BANK1: variants seen among roughly 807,000 people sequenced by gnomAD.
The protein encoded by BANK1 is B-cell scaffold protein with ankyrin repeats.
In BANK1, 95 loss-of-function variants were observed where a neutral mutation model predicts 94.5. That is an observed-to-expected ratio of 1.00 (90% CI 0.85 to 1.19). The LOEUF (loss-of-function observed/expected upper bound fraction) is 1.19. BANK1 is among the 50% of genes most tolerant of loss of function. BANK1 has a pLI of 0.00. For synonymous variants in BANK1, 334 were observed against 308.4 expected, an observed-to-expected ratio of 1.08 and a Z score of -0.87; for missense variants, 987 against 932.2, an observed-to-expected ratio of 1.06 and a Z score of -0.77.
At chr4:101,853,796 TAGG>T (rs1727582909) in intron 2 of BANK1, among the ~76,000 whole-genome samples, 1 of 151,944 alleles carries the variant, frequency 6.6e-6, no homozygotes, top group Non-Finnish European at 1.5e-5. Flanking sequence ...CCAGACAAAC[TAGG>T]AGGAGTGGAT....
chr4:101,859,239 T>C (rs1310849871), intron 3 of BANK1, among the ~76,000 whole-genome samples: 1 of 152,242 alleles, frequency 6.6e-6, no homozygotes, highest in Non-Finnish European at 1.5e-5. Context: ...TGATGCCTTC[T>C]CAGAGGTGAA....
At chr4:101,996,203 A>AT (rs1256770681) in intron 7 of BANK1, among the ~76,000 whole-genome samples, 4 of 151,572 alleles carry the variant, frequency 2.6e-5, no homozygotes, top group African/African-American at 9.7e-5. Flanking sequence ...CCCATTGCTT[A>AT]TTTTTTCGAG....
rs543569622 is a variant in BANK1 at position 102,072,272 on chromosome 4, A to T, written c.2243-73A>T. 7.4e-5 allele frequency: 90 copies of T among 1,220,254 alleles called. 1 individual carries two copies. The South Asian group carries it at 1.1e-3, about 15-fold the overall frequency. The allele number at this position is 1,220,254 out of a possible 1,614,324, so 75.6% of individuals were successfully genotyped here. A position where few individuals can be genotyped will look rare whatever the true frequency, so the allele number is the denominator to read the frequency against. On this transcript the variant is annotated intron_variant, in intron 14 of 16. Coordinates refer to ENST00000322953, the MANE Select transcript of BANK1 (RefSeq NM_017935.5). ...TCTTACCTTTGTAGAAATCATTTTT[A>T]AGAAGTACTGAATAAATAAATCATC...
chr4:101,816,427 A>G (rs940519381), intron 1 of BANK1, among the ~76,000 whole-genome samples: 6 of 152,196 alleles, frequency 3.9e-5, no homozygotes, highest in African/African-American at 1.4e-4. Flanking sequence ...TCTCTCAAAT[A>G]TATTACATGA....
chr4:102,072,994 G>A (rs1020072570), intron 15 of BANK1, among the ~76,000 whole-genome samples: 5 of 152,016 alleles, frequency 3.3e-5, no homozygotes, highest in African/African-American at 1.2e-4. Context: ...ACACACTTGC[G>A]CTGCTACCAA....
Position 101,808,589 on chromosome 4 carries a change from A to T in BANK1, c.70+17639A>T, listed in dbSNP as rs1191751070. Among the ~76,000 whole-genome samples the T allele has an allele frequency of 2.6e-5, 4 of 151,954 alleles. No individual in the cohort carries two copies. The East Asian group carries it at 7.7e-4, about 29-fold the overall frequency. ...AAACAAACAATCCACAGCGTGGGAG[A>T]AAATATTTGCAAACTATGCGTCTGA... On this transcript the variant is annotated intron_variant, in intron 1 of 16. Coordinates refer to ENST00000322953, the MANE Select transcript of BANK1 (RefSeq NM_017935.5).
rs138228120 is a variant in BANK1 at position 101,941,027 on chromosome 4, C to A, written c.1206+22838C>A. Among the ~76,000 whole-genome samples the A allele has an allele frequency of 5.9e-5, 9 of 151,898 alleles. No individual in the cohort carries two copies. In the East Asian group the frequency reaches 1.8e-3, roughly 30 times the overall value. ...ACAGGAGGCTTGCCTACTCTCCCCC[C>A]TTTACTTATTTTATGCAATCATTTA... On this transcript the variant is annotated intron_variant, in intron 7 of 16. Transcript: ENST00000322953.
intron 14 of BANK1, among the ~76,000 whole-genome samples, chr4:102,071,755 C>T (rs1728769952): frequency 6.6e-6 from 1 of 152,106 alleles, no homozygotes; most frequent in South Asian, 2.1e-4. Context: ...GAGAGGGTAA[C>T]TCATTTCCAT....
chr4:101,824,154 C>G (rs897270661), intron 1 of BANK1, among the ~76,000 whole-genome samples: 2 of 152,202 alleles, frequency 1.3e-5, no homozygotes, highest in African/African-American at 4.8e-5. Context: ...TACTTCTGTT[C>G]CTCACTGCCT....
chr4:101,859,314 T>C (rs945524147), intron 3 of BANK1, among the ~76,000 whole-genome samples: 1 of 152,210 alleles, frequency 6.6e-6, no homozygotes, highest in Non-Finnish European at 1.5e-5. Flanking sequence ...CTAAGCTACA[T>C]ACAGGGACTA....
chr4:101,987,887 A>T (rs1018178378), intron 7 of BANK1, among the ~76,000 whole-genome samples: 2 of 152,178 alleles, frequency 1.3e-5, no homozygotes, highest in Non-Finnish European at 2.9e-5. Flanking sequence ...AGTAGCAGTC[A>T]TGTGCGTTGC....
At chr4:101,792,594 G>T (rs932279668) in intron 1 of BANK1, among the ~76,000 whole-genome samples, 7 of 151,650 alleles carry the variant, frequency 4.6e-5, no homozygotes, top group African/African-American at 1.7e-4. Context: ...AGTGTGAGTT[G>T]CTCATGGTTT....
chr4:101,888,615 T>A (rs1004939752), intron 5 of BANK1, among the ~76,000 whole-genome samples: 1 of 152,250 alleles, frequency 6.6e-6, no homozygotes, highest in Non-Finnish European at 1.5e-5. Context: ...TACCACTTAT[T>A]AGCTCTGCCA....
chr4:101,909,268 C>T (rs1722575100), intron 6 of BANK1, among the ~76,000 whole-genome samples: 1 of 152,158 alleles, frequency 6.6e-6, no homozygotes, highest in Non-Finnish European at 1.5e-5. Flanking sequence ...TGGAAACCAT[C>T]ATTCTCAGCA....
intron 6 of BANK1, among the ~76,000 whole-genome samples, chr4:101,904,575 T>C (rs1460436032): frequency 6.6e-6 from 1 of 152,198 alleles, no homozygotes; most frequent in East Asian, 1.9e-4. Context: ...GAAGTGGTTC[T>C]TTCAAACCTT....
intron 11 of BANK1, among the ~76,000 whole-genome samples, chr4:102,048,034 A>G (rs1247642100): frequency 6.6e-6 from 1 of 152,204 alleles, no homozygotes; most frequent in Non-Finnish European, 1.5e-5. Context: ...AATTACCTCT[A>G]GATTTTTAAA....
chr4:101,849,020 C>T (rs1230601756), intron 2 of BANK1, among the ~76,000 whole-genome samples: 1 of 152,204 alleles, frequency 6.6e-6, no homozygotes, highest in Non-Finnish European at 1.5e-5. Flanking sequence ...GCTCTTACTT[C>T]CCTGCACTTA....
intron 7 of BANK1, among the ~76,000 whole-genome samples, chr4:101,983,774 A>G (rs1725395833): frequency 6.6e-6 from 1 of 152,130 alleles, no homozygotes; most frequent in Non-Finnish European, 1.5e-5. Flanking sequence ...TGAAAGCATT[A>G]GATTTGTCAG....
chr4:101,812,974 A>T (rs1005298389), intron 1 of BANK1, among the ~76,000 whole-genome samples: 3 of 152,152 alleles, frequency 2.0e-5, no homozygotes, highest in African/African-American at 7.2e-5. Flanking sequence ...ATAGTAAAAA[A>T]GTAATCTTTG....
Sources: allele counts gnomAD v4.1 joint callset (sites outside exome capture counted in the v4.1 genomes callset), GRCh38; gene constraint gnomAD v4.1.1; transcripts MANE v1.5; gene names NCBI Gene and HGNC (gene_info 2026-07-23, HGNC 2026-07-21).